Variants in LYPLAL1 observed in about 807,000 individuals in gnomAD.
The protein encoded by LYPLAL1 is lysophospholipase like 1, also known as lysophospholipase-like protein 1.
Under a neutral mutation model 19.7 loss-of-function variants are expected in LYPLAL1, and 23 were observed. That is an observed-to-expected ratio of 1.17 (90% CI 0.84 to 1.65). The LOEUF (loss-of-function observed/expected upper bound fraction) is 1.65, where lower values mean the gene tolerates loss of function less well. Among genes scored for constraint, LYPLAL1 ranks in the 40% most tolerant of loss-of-function variants. The pLI is 0.00. For synonymous variants in LYPLAL1, 119 were observed against 96.3 expected (o/e 1.24, Z -1.38); for missense variants, 355 against 279.4 (o/e 1.27, Z -1.93).
chr1:219,332,626 A>G, the LYPLAL1 span, among the ~76,000 whole-genome samples: 3 of 152,188 alleles, frequency 2.0e-5, no homozygotes, highest in East Asian at 5.8e-4. Flanking sequence ...CATTGTTTCT[A>G]TGGAATATGG....
At chr1:219,369,245 A>G in the LYPLAL1 span, among the ~76,000 whole-genome samples, 10 of 152,102 alleles carry the variant, frequency 6.6e-5, no homozygotes, top group African/African-American at 2.2e-4. Flanking sequence ...TTTTACTAAC[A>G]CCCTTTATTC....
the LYPLAL1 span, among the ~76,000 whole-genome samples, chr1:219,232,313 C>CACAA: frequency 6.6e-6 from 1 of 150,738 alleles, no homozygotes; most frequent in African/African-American, 2.5e-5. Flanking sequence ...CATACATACA[C>CACAA]ACAAACATAT....
the LYPLAL1 span, among the ~76,000 whole-genome samples, chr1:219,373,490 A>G: frequency 6.6e-6 from 1 of 152,158 alleles, no homozygotes; most frequent in Non-Finnish European, 1.5e-5. Context: ...TACACTCTGC[A>G]GCAGCTTAAT....
chr1:219,302,136 T>C, the LYPLAL1 span, among the ~76,000 whole-genome samples: 1 of 152,196 alleles, frequency 6.6e-6, no homozygotes. Context: ...GATCCTATTA[T>C]TCTACAATTC....
At chr1:219,215,838 A>G (rs1020944322), downstream of LYPLAL1, among the ~76,000 whole-genome samples, 3 of 152,054 alleles carry the variant, frequency 2.0e-5, no homozygotes, top group Non-Finnish European at 4.4e-5. Context: ...TTGAAAAGAC[A>G]TTTTTTCTAT....
the LYPLAL1 span, among the ~76,000 whole-genome samples, chr1:219,358,323 G>A: frequency 6.6e-6 from 1 of 152,168 alleles, no homozygotes; most frequent in African/African-American, 2.4e-5. Context: ...AAAGTCCAAA[G>A]AAACTGCACA....
chr1:219,350,780 G>A, the LYPLAL1 span, among the ~76,000 whole-genome samples: 3 of 152,138 alleles, frequency 2.0e-5, no homozygotes, highest in Admixed American at 1.3e-4. Flanking sequence ...GATTTTTATT[G>A]AGCCAAGGAA....
intron 3 of LYPLAL1, among the ~76,000 whole-genome samples, chr1:219,204,113 A>G (rs750922426): frequency 6.6e-6 from 1 of 152,132 alleles, no homozygotes; most frequent in Non-Finnish European, 1.5e-5. Context: ...ATGGATCCTC[A>G]CTCTGCACAT....
the LYPLAL1 span, among the ~76,000 whole-genome samples, chr1:219,263,825 G>A: frequency 3.3e-5 from 5 of 152,170 alleles, no homozygotes; most frequent in African/African-American, 9.7e-5. Context: ...AGTGGGATGT[G>A]TGTTCAGAGG....
the LYPLAL1 span, among the ~76,000 whole-genome samples, chr1:219,319,514 A>G: frequency 3.9e-5 from 6 of 152,162 alleles, no homozygotes; most frequent in Non-Finnish European, 7.4e-5. Context: ...CGAAGGGCCA[A>G]TTCTGGGGGA....
chr1:219,415,479 A>G, the LYPLAL1 span, among the ~76,000 whole-genome samples: 2 of 152,384 alleles, frequency 1.3e-5, no homozygotes, highest in African/African-American at 4.8e-5. Flanking sequence ...CAGAATCACT[A>G]CTGAGTTCTG....
At chr1:219,218,335 A>G in the LYPLAL1 span, among the ~76,000 whole-genome samples, 1 of 152,064 alleles carries the variant, frequency 6.6e-6, no homozygotes, top group African/African-American at 2.4e-5. Context: ...ACAAGAGCAC[A>G]GAATTAGCAA....
the LYPLAL1 span, among the ~76,000 whole-genome samples, chr1:219,343,805 C>A: frequency 2.0e-5 from 3 of 152,054 alleles, no homozygotes; most frequent in East Asian, 5.8e-4. Context: ...CTTTATAGAG[C>A]TCCTTCATCT....
At chr1:219,238,902 T>G in the LYPLAL1 span, among the ~76,000 whole-genome samples, 3 of 152,188 alleles carry the variant, frequency 2.0e-5, no homozygotes, top group African/African-American at 7.2e-5. Context: ...TGAATTCACC[T>G]AAAACGTAAT....
chr1:219,360,170 G>A, the LYPLAL1 span, among the ~76,000 whole-genome samples: 4 of 152,334 alleles, frequency 2.6e-5, no homozygotes, highest in African/African-American at 9.6e-5. Flanking sequence ...TAGCAACAGA[G>A]AAACTGCAAA....
chr1:219,224,003 G>C, the LYPLAL1 span, among the ~76,000 whole-genome samples: 1 of 151,762 alleles, frequency 6.6e-6, no homozygotes, highest in Non-Finnish European at 1.5e-5. Context: ...TTATTGGCTT[G>C]TCCAATTGAA....
intron 1 of LYPLAL1, among the ~76,000 whole-genome samples, chr1:219,178,531 C>A (rs1033079852): frequency 6.6e-6 from 1 of 152,134 alleles, no homozygotes; most frequent in Non-Finnish European, 1.5e-5. Context: ...ATATTTCCTT[C>A]CATTTTTTTC....
the LYPLAL1 span, among the ~76,000 whole-genome samples, chr1:219,358,562 A>AG: frequency 1.2e-4 from 18 of 152,280 alleles, no homozygotes; most frequent in African/African-American, 4.3e-4. Flanking sequence ...TCATGGCAGA[A>AG]GGGGAAGCAG....
chr1:219,431,885 C>G, the LYPLAL1 span, among the ~76,000 whole-genome samples: 1 of 152,302 alleles, frequency 6.6e-6, no homozygotes, highest in African/African-American at 2.4e-5. Flanking sequence ...TCTCGCTACC[C>G]TCCTTTTCCC....
Sources: allele counts gnomAD v4.1 joint callset (sites outside exome capture counted in the v4.1 genomes callset), GRCh38; gene constraint gnomAD v4.1.1; transcripts MANE v1.5; gene names NCBI Gene and HGNC (gene_info 2026-07-23, HGNC 2026-07-21).